Variants in CDK14 observed in about 807,000 individuals in gnomAD.
CDK14 encodes the protein cyclin-dependent kinase 14.
CDK14 carries 34 observed loss-of-function variants against 60.7 expected under a neutral mutation model. The observed-to-expected ratio is 0.56, with a 90% CI of 0.43 to 0.75. CDK14 has a LOEUF of 0.75. Among genes scored for constraint, CDK14 ranks in the 30% least tolerant of loss-of-function variants. The pLI, the probability that CDK14 is intolerant of heterozygous loss-of-function variation, is 0.00. For missense variants in CDK14, 482 were observed against 564.1 expected (o/e 0.85, Z 1.47); for synonymous variants, 197 against 203.7 (o/e 0.97, Z 0.28).
chr7:90,634,033 C>G (rs1800070633), intron 2 of CDK14, among the ~76,000 whole-genome samples: 1 of 151,924 alleles, frequency 6.6e-6, no homozygotes, highest in Non-Finnish European at 1.5e-5. Context: ...TATAAAATTG[C>G]TGTTTATAGA....
chr7:90,658,032 A>G (rs1800785940), intron 2 of CDK14, among the ~76,000 whole-genome samples: 1 of 152,074 alleles, frequency 6.6e-6, no homozygotes, highest in Non-Finnish European at 1.5e-5. Context: ...GACTTTTTTT[A>G]TAATTAGGTT....
At chr7:91,014,314 A>G (rs1796243739) in intron 10 of CDK14, among the ~76,000 whole-genome samples, 1 of 152,158 alleles carries the variant, frequency 6.6e-6, no homozygotes, top group Admixed American at 6.6e-5. Flanking sequence ...CTTATATTTC[A>G]GGGATTTTTC....
At chr7:91,150,877 C>A (rs1031840488) in intron 14 of CDK14, among the ~76,000 whole-genome samples, 1 of 151,884 alleles carries the variant, frequency 6.6e-6, no homozygotes, top group African/African-American at 2.4e-5. Flanking sequence ...ATCTGTCAGG[C>A]CTTTTAGCCT....
intron 14 of CDK14, among the ~76,000 whole-genome samples, chr7:91,125,032 C>T (rs960936848): frequency 2.0e-5 from 3 of 152,106 alleles, no homozygotes; most frequent in African/African-American, 7.2e-5. Context: ...AGTGTCTAAG[C>T]ATAAAAGGAG....
At chr7:90,747,369 T>C (rs951268299) in intron 3 of CDK14, among the ~76,000 whole-genome samples, 3 of 152,160 alleles carry the variant, frequency 2.0e-5, no homozygotes, top group Non-Finnish European at 4.4e-5. Flanking sequence ...ACAGTAGATA[T>C]AGTGCAATTT....
At position 90,846,070 on chromosome 7, in the gene CDK14, A is replaced by G. The variant is rs141810373; in HGVS notation, c.545-17105A>G. Among the ~76,000 whole-genome samples, 441 of 152,248 alleles carry G rather than the reference A, an allele frequency of 2.9e-3. 3 individuals are homozygous for G. Among genetic ancestry groups the G allele is most frequent in the African/African-American group, 0.01 (421 of 41,552 alleles). On this transcript the variant is annotated intron_variant, in intron 5 of 14. Coordinates refer to ENST00000380050, the MANE Select transcript of CDK14 (RefSeq NM_001287135.2). Reference sequence around the variant, plus strand: ...ATGAGGACCCAAACCTTTGTCTCCAACTTTGTCCCCATTACTTTACTTCAA... The same window carrying G: ...ATGAGGACCCAAACCTTTGTCTCCAGCTTTGTCCCCATTACTTTACTTCAA...
chr7:90,921,151 C>A (rs530930953), intron 8 of CDK14, among the ~76,000 whole-genome samples: 2 of 152,236 alleles, frequency 1.3e-5, no homozygotes, highest in East Asian at 3.9e-4. Flanking sequence ...ACATAATTTA[C>A]CAGAAAAGAT....
chr7:90,812,906 C>T (rs761559692), intron 5 of CDK14, among the ~76,000 whole-genome samples: 1 of 152,158 alleles, frequency 6.6e-6, no homozygotes, highest in Non-Finnish European at 1.5e-5. Flanking sequence ...AGTGACTTCA[C>T]TCCTGGGTAT....
At chr7:91,069,079 T>C (rs1382113891) in intron 11 of CDK14, among the ~76,000 whole-genome samples, 4 of 152,162 alleles carry the variant, frequency 2.6e-5, no homozygotes, top group African/African-American at 7.2e-5. Context: ...CAATACATAG[T>C]AGTTGAAATG....
At chr7:91,094,198 A>G (rs1218740588) in intron 12 of CDK14, among the ~76,000 whole-genome samples, 1 of 152,182 alleles carries the variant, frequency 6.6e-6, no homozygotes, top group Non-Finnish European at 1.5e-5. Context: ...GGAAAAATAA[A>G]TAAAAATTAT....
intron 2 of CDK14, among the ~76,000 whole-genome samples, chr7:90,652,645 G>C (rs1800668101): frequency 6.6e-6 from 1 of 152,220 alleles, no homozygotes; most frequent in Admixed American, 6.5e-5. Flanking sequence ...ATTTAAATAT[G>C]TGTTGTGGGG....
At chr7:90,734,790 C>T (rs949089629) in intron 3 of CDK14, among the ~76,000 whole-genome samples, 1 of 152,048 alleles carries the variant, frequency 6.6e-6, no homozygotes, top group Non-Finnish European at 1.5e-5. Context: ...TGTTATTACC[C>T]ACTTTCTGAA....
At chr7:90,938,070 T>G (rs1793809979) in intron 8 of CDK14, among the ~76,000 whole-genome samples, 1 of 152,220 alleles carries the variant, frequency 6.6e-6, no homozygotes. Flanking sequence ...TTATGTGTAT[T>G]GCAATTTGTA....
Position 90,596,515 on chromosome 7 carries a change from C to T in CDK14, c.-113C>T. 1.2e-6 allele frequency: 1 copy of T among 818,826 alleles called. No homozygotes were observed. The highest frequency in any genetic ancestry group is 1.7e-5 in the African/African-American group (1 of 58,282). 50.7% of individuals were successfully genotyped at this position (818,826 alleles called of 1,614,324 possible). A position where few individuals can be genotyped will look rare whatever the true frequency, so the allele number is the denominator to read the frequency against. On this transcript the variant is annotated 5_prime_UTR_variant, in exon 1 of 15. Coordinates refer to ENST00000380050, the MANE Select transcript of CDK14 (RefSeq NM_001287135.2). ...ACCTGCGCGTCGCTTCCCGGCCCGCCGAGGAGGTGGTGGAGGAGGAGGCGC... is the reference window on the plus strand; with the variant it reads ...ACCTGCGCGTCGCTTCCCGGCCCGCTGAGGAGGTGGTGGAGGAGGAGGCGC...
rs751195714 is a variant in CDK14 at position 90,984,205 on chromosome 7, G to A, written c.1005G>A (p.Met335Ile). The A allele has an allele frequency of 5.0e-6, 8 of 1,612,668 alleles. No individual in the cohort carries two copies. Among genetic ancestry groups the A allele is most frequent in the Admixed American group, 1.7e-5 (1 of 60,004 alleles). Residue 335 changes from methionine (M) to isoleucine (I), a missense_variant, in exon 10 of 15, where the codon ATG becomes ATA. Coordinates refer to ENST00000380050, the MANE Select transcript of CDK14 (RefSeq NM_001287135.2). ...MIQGVAAFPG[M>I]KDIQDQLERI... ...AAGGAGTTGCTGCTTTTCCAGGAAT[G>A]AAAGACATTCAGGATCAACTTGAAC...
intron 14 of CDK14, among the ~76,000 whole-genome samples, chr7:91,203,620 G>T (rs1233304851): frequency 6.6e-6 from 1 of 152,174 alleles, no homozygotes; most frequent in Non-Finnish European, 1.5e-5. Context: ...GGAACTTCAT[G>T]CCTGGGCAAG....
intron 14 of CDK14, among the ~76,000 whole-genome samples, chr7:91,176,405 A>G (rs890570402): frequency 6.6e-6 from 1 of 152,138 alleles, no homozygotes; most frequent in African/African-American, 2.4e-5. Flanking sequence ...AAGAACTAGA[A>G]AAGCAAGAGC....
intron 14 of CDK14, among the ~76,000 whole-genome samples, chr7:91,193,662 T>G (rs542306771): frequency 6.6e-6 from 1 of 152,296 alleles, no homozygotes; most frequent in South Asian, 2.1e-4. Flanking sequence ...AAAGTAAATC[T>G]ACATATGTTT....
At chr7:91,064,163 A>G (rs577931021) in intron 11 of CDK14, among the ~76,000 whole-genome samples, 1 of 152,322 alleles carries the variant, frequency 6.6e-6, no homozygotes, top group African/African-American at 2.4e-5. Context: ...GAGTTGGGAG[A>G]GAGGAATGTT....
Sources: gnomAD v4.1 joint callset for allele counts (sites outside exome capture counted in the v4.1 genomes callset) on GRCh38, gnomAD v4.1.1 for gene constraint, MANE v1.5 for transcripts, NCBI Gene and HGNC (gene_info 2026-07-23, HGNC 2026-07-21) for gene names.